SH3PXD2A: variants seen among roughly 807,000 people sequenced by gnomAD.
SH3PXD2A encodes SH3 and PX domain-containing protein 2A.
A neutral mutation model predicts 115.2 loss-of-function variants in SH3PXD2A; 32 were observed. The ratio of observed to expected loss-of-function variants is 0.28; its 90% CI spans 0.21 to 0.37. The LOEUF (loss-of-function observed/expected upper bound fraction) is 0.37, where lower values mean the gene tolerates loss of function less well. SH3PXD2A is among the 10% of genes least tolerant of loss of function. The pLI, the probability that SH3PXD2A is intolerant of heterozygous loss-of-function variation, is 1.00. For synonymous variants in SH3PXD2A, 610 were observed against 629.1 expected (o/e 0.97, Z 0.45); for missense variants, 1,328 against 1,498.7 (o/e 0.89, Z 1.88).
intron 5 of SH3PXD2A, among the ~76,000 whole-genome samples, chr10:103,718,760 G>GACACACACACACACACACACAC (rs55844048): frequency 7.8e-6 from 1 of 128,338 alleles, no homozygotes; most frequent in Non-Finnish European, 1.6e-5. Context: ...CCCCAATCAG[G>GACACACACACACACACACACAC]ACACACACAC....
intron 3 of SH3PXD2A, among the ~76,000 whole-genome samples, chr10:103,750,720 T>A (rs889830918): frequency 6.6e-6 from 1 of 152,232 alleles, no homozygotes. Flanking sequence ...ACCCAGCACC[T>A]GACTCCGGGG....
chr10:103,697,766 C>T (rs548934314), intron 5 of SH3PXD2A, among the ~76,000 whole-genome samples: 2 of 152,276 alleles, frequency 1.3e-5, no homozygotes, highest in Admixed American at 6.5e-5. Flanking sequence ...GCTCCCTCCC[C>T]GGATGCTCTA....
At chr10:103,750,466 A>T (rs2038562922) in intron 3 of SH3PXD2A, among the ~76,000 whole-genome samples, 1 of 152,240 alleles carries the variant, frequency 6.6e-6, no homozygotes, top group Non-Finnish European at 1.5e-5. Flanking sequence ...CCTGAATCAG[A>T]GATATTTGGA....
At position 103,613,184 on chromosome 10, in the gene SH3PXD2A, C is replaced by T. The variant is rs377016450; in HGVS notation, c.927G>A (p.Leu309=). ...NLEGWWYIRY[L]GKEGWAPASY... ...ATGCTGGCGCCCAGCCCTCTTTGCC[C>T]AGGTATCTGTGGGGAGGAGCAGGAT... Residue 309 remains leucine (L), a synonymous_variant, in exon 12 of 15, where the codon CTG becomes CTA. Coordinates refer to ENST00000369774, the MANE Select transcript of SH3PXD2A (RefSeq NM_001394015.1). 7.5e-6 allele frequency: 12 copies of T among 1,595,492 alleles called. No homozygotes were observed. In the African/African-American group the frequency reaches 1.5e-4, roughly 20 times the overall value.
intron 2 of SH3PXD2A, among the ~76,000 whole-genome samples, chr10:103,800,584 C>T (rs1458417679): frequency 2.0e-5 from 3 of 152,182 alleles, no homozygotes; most frequent in Admixed American, 6.5e-5. Context: ...CACAAGCTTC[C>T]CTGGTCCCTC....
chr10:103,692,928 C>G (rs1476736050), intron 6 of SH3PXD2A, 100 bp downstream of exon 6: 9 of 957,102 alleles, frequency 9.4e-6, no homozygotes, highest in African/African-American at 3.3e-5. Flanking sequence ...AAGGACAACC[C>G]CCCCCTCCCC....
In SH3PXD2A at chr10:103,693,202, C is replaced by G. The variant is rs867328454; in HGVS notation, c.399-146G>C. 59 of 266,672 alleles carry G rather than the reference C, an allele frequency of 2.2e-4. No individual in the cohort carries two copies. The Middle Eastern group carries it at 3.7e-3, about 17-fold the overall frequency. 16.5% of individuals were successfully genotyped at this position (266,672 alleles called of 1,614,324 possible). On this transcript the variant is annotated intron_variant, in intron 5 of 14. Transcript: ENST00000369774. ...CCCACGGCCGGCTAGCCGCGCGCTC[C>G]GCAGCCGCACGCACTGCGCGCCGCG...
At chr10:103,769,112 T>C (rs1258938975) in intron 2 of SH3PXD2A, among the ~76,000 whole-genome samples, 4 of 150,544 alleles carry the variant, frequency 2.7e-5, no homozygotes. Flanking sequence ...ATCCAAGCTA[T>C]AGCATGGTTC....
chr10:103,771,584 A>G lies in SH3PXD2A; in HGVS notation c.154-4415T>C, dbSNP rs529070435. On this transcript the variant is annotated intron_variant, in intron 2 of 14. Transcript: ENST00000369774. ...CCTGCGAAACCCCATCTCTACTAAA[A>G]AAAAGTACAAAAATTAGGTGGGCAT... 2.6e-5 allele frequency among the ~76,000 whole-genome samples: 4 copies of G among 152,218 alleles called. No individual in the cohort carries two copies. The East Asian group carries it at 7.7e-4, about 29-fold the overall frequency.
At chr10:103,774,738 G>A (rs2038861918) in intron 2 of SH3PXD2A, among the ~76,000 whole-genome samples, 1 of 152,102 alleles carries the variant, frequency 6.6e-6, no homozygotes, top group Non-Finnish European at 1.5e-5. Context: ...CTTTCTTAGG[G>A]GGGATCTATG....
At position 103,613,195 on chromosome 10, in the gene SH3PXD2A, G is replaced by C; in HGVS notation, c.921-5C>G. ...CAGCCCTCTTTGCCCAGGTATCTGT[G>C]GGGAGGAGCAGGATGTGCTATCATT... On this transcript the variant is annotated splice_polypyrimidine_tract_variant and splice_region_variant and intron_variant, in intron 11 of 14. Transcript: ENST00000369774. The C allele has an allele frequency of 6.3e-7, 1 of 1,584,606 alleles. No homozygotes were observed.
intron 1 of SH3PXD2A, among the ~76,000 whole-genome samples, chr10:103,808,526 C>T (rs954088782): frequency 2.6e-5 from 4 of 152,124 alleles, no homozygotes; most frequent in African/African-American, 9.7e-5. Context: ...GCTGGCATTA[C>T]AGATGCGAGC....
In SH3PXD2A at chr10:103,787,894, G is replaced by A. The variant is rs371369544; in HGVS notation, c.153+13388C>T. 2.4e-4 allele frequency among the ~76,000 whole-genome samples: 36 copies of A among 152,154 alleles called. 1 individual carries two copies. The highest frequency in any genetic ancestry group is 7.2e-4 in the African/African-American group (30 of 41,434). ...ACAAGACTGCCAGGGTGGATGAACCGGCCACTTTGTTTACTGAGCACCAGA... is the reference window on the plus strand; with the variant it reads ...ACAAGACTGCCAGGGTGGATGAACCAGCCACTTTGTTTACTGAGCACCAGA... On this transcript the variant is annotated intron_variant, in intron 2 of 14. Coordinates refer to ENST00000369774, the MANE Select transcript of SH3PXD2A (RefSeq NM_001394015.1).
intron 6 of SH3PXD2A, among the ~76,000 whole-genome samples, chr10:103,682,170 G>C (rs2037618290): frequency 6.6e-6 from 1 of 152,164 alleles, no homozygotes; most frequent in South Asian, 2.1e-4. Context: ...CCTCCTTCTG[G>C]GGATTCCAGG....
intron 1 of SH3PXD2A, among the ~76,000 whole-genome samples, chr10:103,803,078 CA>C (rs1332458006): frequency 6.6e-6 from 1 of 152,214 alleles, no homozygotes; most frequent in African/African-American, 2.4e-5. Flanking sequence ...TCCGGTGATA[CA>C]CAGGAAAATG....
At chr10:103,777,160 T>C (rs2038888075) in intron 2 of SH3PXD2A, among the ~76,000 whole-genome samples, 1 of 152,128 alleles carries the variant, frequency 6.6e-6, no homozygotes, top group Non-Finnish European at 1.5e-5. Context: ...GAGGATTAAA[T>C]GAGATAATGT....
chr10:103,664,689 C>T (rs557436165), intron 7 of SH3PXD2A, among the ~76,000 whole-genome samples: 16 of 135,262 alleles, frequency 1.2e-4, no homozygotes, highest in Admixed American at 1.6e-4. Context: ...TTTTTTGAGA[C>T]GGAGTCTTGC....
chr10:103,606,492 TCTCCCC>T (rs1158746626), intron 13 of SH3PXD2A, among the ~76,000 whole-genome samples: 3 of 41,666 alleles, frequency 7.2e-5, no homozygotes, highest in African/African-American at 3.0e-4. Flanking sequence ...TCCCTCTCCC[TCTCCCC>T]ACGGTCTCCC....
chr10:103,615,600 G>T (rs12243196), intron 11 of SH3PXD2A, among the ~76,000 whole-genome samples: 2 of 150,890 alleles, frequency 1.3e-5, no homozygotes, highest in African/African-American at 4.9e-5. Context: ...TTGGGAAATG[G>T]CATATTTAAG....
Sources: gnomAD v4.1 joint callset for allele counts (sites outside exome capture counted in the v4.1 genomes callset) on GRCh38, gnomAD v4.1.1 for gene constraint, MANE v1.5 for transcripts, NCBI Gene and HGNC (gene_info 2026-07-23, HGNC 2026-07-21) for gene names.